The following PHLPP1 variants were observed in gnomAD, a reference collection of about 807,000 sequenced individuals.
The protein encoded by PHLPP1 is PH domain and leucine rich repeat protein phosphatase 1.
A neutral mutation model predicts 117.2 loss-of-function variants in PHLPP1; 42 were observed. That is an observed-to-expected ratio of 0.36 (90% confidence interval 0.28 to 0.46). The LOEUF (loss-of-function observed/expected upper bound fraction) is 0.46, where lower values mean the gene tolerates loss of function less well. PHLPP1 is among the 20% of genes least tolerant of loss of function. The probability of loss-of-function intolerance (pLI) is 1.00; values close to 1 mark genes in which losing one functional copy is unlikely to be tolerated. For missense variants in PHLPP1, 2,084 were observed against 2,241.9 expected (o/e 0.93, Z 1.42); for synonymous variants, 1,042 against 970.7 (o/e 1.07, Z -1.37).
chr18:62,733,780 C>G (rs1049976934), intron 1 of PHLPP1, among the ~76,000 whole-genome samples: 1 of 152,148 alleles, frequency 6.6e-6, no homozygotes, highest in Admixed American at 6.5e-5. Flanking sequence ...CTGTGTTGCC[C>G]TCGAAGGACT....
At chr18:62,865,460 T>C (rs1049115793) in intron 4 of PHLPP1, among the ~76,000 whole-genome samples, 3 of 152,216 alleles carry the variant, frequency 2.0e-5, no homozygotes, top group Non-Finnish European at 4.4e-5. Context: ...TCATGAACTA[T>C]CATCAATCAG....
chr18:62,895,654 C>T (rs1246591351), intron 5 of PHLPP1, 127 bp from the exon 6 acceptor site: 1 of 646,396 alleles, frequency 1.5e-6, no homozygotes, highest in African/African-American at 1.8e-5. Context: ...AGGCCCTGCC[C>T]TTAGGCATTT....
At chr18:62,749,198 G>A (rs937106358) in intron 1 of PHLPP1, among the ~76,000 whole-genome samples, 7 of 150,486 alleles carry the variant, frequency 4.7e-5, no homozygotes, top group African/African-American at 1.7e-4. Context: ...TTTACCCAAA[G>A]GCTTGCTGGT....
rs374492920 is a variant in PHLPP1, at chr18:62,799,161, G to A, written c.1577-30874G>A. On this transcript the variant is annotated intron_variant, in intron 1 of 16. Transcript: ENST00000262719. ...GATCTTGGATAATCACTCATAAAGA[G>A]GAAGAAAAGAACCAGAGGAGTGGTA... 6.6e-5 allele frequency among the ~76,000 whole-genome samples: 10 copies of A among 152,190 alleles called. No homozygotes were observed. The East Asian group carries it at 1.9e-3, about 29-fold the overall frequency.
chr18:62,959,901 C>T (rs1235330556), intron 13 of PHLPP1, among the ~76,000 whole-genome samples: 1 of 152,002 alleles, frequency 6.6e-6, no homozygotes, highest in Non-Finnish European at 1.5e-5. Flanking sequence ...CTGAGGAAGG[C>T]GTAGAGACCG....
rs1911306850 is a variant in PHLPP1, at chr18:62,979,343, A to C, written c.5066A>C (p.Gln1689Pro). 5 of 1,544,662 alleles carry C rather than the reference A, an allele frequency of 3.2e-6. No homozygotes were observed. Among genetic ancestry groups the C allele is most frequent in the African/African-American group, 1.4e-5 (1 of 72,926 alleles). The change falls in exon 17 of 17, where the codon CAG becomes CCG. Residue 1689 changes from glutamine (Q) to proline (P), a missense_variant. By Grantham distance (76) the Gln-to-Pro change is moderately conservative. Around this residue, in one of 2 missense-constraint regions of PHLPP1, gnomAD observed 1,365 missense variants for 1,605.9 expected, o/e 0.85. Coordinates refer to ENST00000262719, the MANE Select transcript of PHLPP1 (RefSeq NM_194449.4). ...KHHQEQQQQQQPPPPPQLQPQ... is the reference protein window; with the variant it reads ...KHHQEQQQQQPPPPPPQLQPQ... ...CACCAGGAGCAACAGCAGCAGCAGCAGCCGCCACCACCCCCTCAGCTCCAG... is the reference window on the plus strand; with the variant it reads ...CACCAGGAGCAACAGCAGCAGCAGCCGCCGCCACCACCCCCTCAGCTCCAG...
chr18:62,804,196 ATC>A, intron 1 of PHLPP1, among the ~76,000 whole-genome samples: 1 of 152,228 alleles, frequency 6.6e-6, no homozygotes, highest in Non-Finnish European at 1.5e-5. Flanking sequence ...TTATGAAACC[ATC>A]AGATCTCATG....
intron 4 of PHLPP1, among the ~76,000 whole-genome samples, chr18:62,881,264 G>T (rs1387451368): frequency 6.6e-6 from 1 of 151,596 alleles, no homozygotes; most frequent in African/African-American, 2.4e-5. Flanking sequence ...ATAATAAAGG[G>T]TTTTTTTTAA....
Position 62,895,110 on chromosome 18 carries a change from C to T in PHLPP1, c.2166C>T (p.Ser722=). ...CAACCCTGGCAGAGCTGAACGTGTC[C>T]TGCAATGCCCTGCGATCAGTCCCGG... ...SIPTLAELNV[S]CNALRSVPAA... is the part of the protein sequence containing the mutation. Residue 722 remains serine (S), a synonymous_variant, in exon 5 of 17, where the codon TCC becomes TCT. Transcript: ENST00000262719. The T allele has an allele frequency of 1.2e-6, 2 of 1,613,980 alleles. No homozygotes were observed. Among genetic ancestry groups the T allele is most frequent in the Non-Finnish European group, 1.7e-6 (2 of 1,179,876 alleles).
intron 6 of PHLPP1, among the ~76,000 whole-genome samples, chr18:62,899,517 T>A (rs887160405): frequency 1.3e-5 from 2 of 152,214 alleles, no homozygotes; most frequent in Non-Finnish European, 2.9e-5. Context: ...GCCTCTTTTT[T>A]AAAAAACCAT....
intron 2 of PHLPP1, among the ~76,000 whole-genome samples, chr18:62,835,931 C>T (rs1303826798): frequency 6.6e-6 from 1 of 151,402 alleles, no homozygotes; most frequent in Non-Finnish European, 1.5e-5. Context: ...CAGGCATGCA[C>T]CACCACGCCC....
intron 1 of PHLPP1, among the ~76,000 whole-genome samples, chr18:62,731,545 A>G (rs1911227931): frequency 6.6e-6 from 1 of 152,174 alleles, no homozygotes; most frequent in Non-Finnish European, 1.5e-5. Flanking sequence ...CAGTATTGAA[A>G]TTGGGCCAGT....
chr18:62,728,007 C>T (rs532889554), intron 1 of PHLPP1, among the ~76,000 whole-genome samples: 1 of 152,194 alleles, frequency 6.6e-6, no homozygotes, highest in South Asian at 2.1e-4. Context: ...ATTTTTTAGG[C>T]CAGGTGCGGT....
At chr18:62,770,874 T>TA (rs1912743121) in intron 1 of PHLPP1, among the ~76,000 whole-genome samples, 1 of 152,176 alleles carries the variant, frequency 6.6e-6, no homozygotes, top group African/African-American at 2.4e-5. Flanking sequence ...TATAATATTT[T>TA]AAAATAATTT....
At chr18:62,722,062 C>T (rs1910936497) in intron 1 of PHLPP1, among the ~76,000 whole-genome samples, 1 of 152,124 alleles carries the variant, frequency 6.6e-6, no homozygotes, top group Non-Finnish European at 1.5e-5. Context: ...TTTGGGTCCC[C>T]AGGGATGTGT....
At chr18:62,737,986 G>A (rs886293643) in intron 1 of PHLPP1, among the ~76,000 whole-genome samples, 3 of 151,992 alleles carry the variant, frequency 2.0e-5, no homozygotes, top group Non-Finnish European at 2.9e-5. Flanking sequence ...ATTTGAGAAG[G>A]GTATGTTCCA....
intron 1 of PHLPP1, among the ~76,000 whole-genome samples, chr18:62,826,075 C>T (rs1914605398): frequency 6.6e-6 from 1 of 151,782 alleles, no homozygotes; most frequent in Admixed American, 6.6e-5. Context: ...GTGATTTCAC[C>T]ATCCTTTATT....
intron 12 of PHLPP1, among the ~76,000 whole-genome samples, chr18:62,950,106 A>T (rs932756146): frequency 5.3e-5 from 8 of 152,186 alleles, no homozygotes; most frequent in African/African-American, 1.9e-4. Flanking sequence ...GTAATTTGGG[A>T]TTTAAACATC....
intron 4 of PHLPP1, among the ~76,000 whole-genome samples, chr18:62,886,400 A>T (rs947657606): frequency 8.5e-5 from 13 of 152,232 alleles, no homozygotes; most frequent in African/African-American, 3.1e-4. Context: ...GATCCAACCG[A>T]GTAGCTAGGA....
Sources: gnomAD v4.1 joint callset for allele counts (sites outside exome capture counted in the v4.1 genomes callset) on GRCh38, gnomAD v4.1.1 for gene constraint, gnomAD v4.1.1 regional missense constraint, MANE v1.5 for transcripts, NCBI Gene and HGNC (gene_info 2026-07-23, HGNC 2026-07-21) for gene names.